E2F5: variants seen among roughly 807,000 people sequenced by gnomAD.
E2F5 encodes transcription factor E2F5.
A neutral mutation model predicts 39.1 loss-of-function variants in E2F5; 23 were observed. The observed-to-expected ratio is 0.59, with a 90% CI of 0.42 to 0.83. The LOEUF is 0.83. Ranked by LOEUF, E2F5 falls within the 40% of genes least tolerant of loss-of-function variation. The probability of loss-of-function intolerance (pLI) is 0.00; values close to 1 mark genes in which losing one functional copy is unlikely to be tolerated. For synonymous variants in E2F5, 145 were observed against 157.8 expected (o/e 0.92, Z 0.61); for missense variants, 365 against 406.7 (o/e 0.90, Z 0.88).
chr8:85,203,464 C>T (rs1812735489), intron 3 of E2F5, among the ~76,000 whole-genome samples: 1 of 151,884 alleles, frequency 6.6e-6, no homozygotes, highest in African/African-American at 2.4e-5. Flanking sequence ...AGCGTTATTC[C>T]TGTGTTGCAC....
At chr8:85,186,858 T>C (rs1483622496) in intron 1 of E2F5, among the ~76,000 whole-genome samples, 2 of 148,630 alleles carry the variant, frequency 1.3e-5, no homozygotes. Flanking sequence ...ATATATGGTG[T>C]GTATATATAA....
intron 1 of E2F5, chr8:85,200,384 A>G: frequency 4.3e-6 from 3 of 701,780 alleles, no homozygotes; most frequent in Non-Finnish European, 5.3e-6. Flanking sequence ...GTTTAGTTTT[A>G]GAAACTAGGG....
chr8:85,205,539 C>T (rs560394109), intron 3 of E2F5, among the ~76,000 whole-genome samples: 30 of 152,082 alleles, frequency 2.0e-4, no homozygotes, highest in African/African-American at 6.0e-4. Flanking sequence ...CCACCTGCCT[C>T]GGCCTCCCAA....
At chr8:85,192,671 C>T (rs910552011) in intron 1 of E2F5, among the ~76,000 whole-genome samples, 1 of 152,196 alleles carries the variant, frequency 6.6e-6, no homozygotes, top group East Asian at 1.9e-4. Flanking sequence ...GGCTTTTAGA[C>T]AGTTTATACT....
At chr8:85,181,892 C>T (rs1051910324) in intron 1 of E2F5, among the ~76,000 whole-genome samples, 8 of 151,282 alleles carry the variant, frequency 5.3e-5, no homozygotes, top group South Asian at 2.1e-4. Flanking sequence ...ACTCAAGAGG[C>T]GGAGGTTGCA....
At chr8:85,187,588 C>T (rs1812370013) in intron 1 of E2F5, 1 of 152,024 alleles carries the variant, frequency 6.6e-6, no homozygotes, top group African/African-American at 2.4e-5. Flanking sequence ...TCTATTTAAT[C>T]TGATATATGT....
chr8:85,177,693 C>T (rs1812115333), intron 1 of E2F5, 39 bp downstream of exon 1: 2 of 1,231,264 alleles, frequency 1.6e-6, no homozygotes, highest in African/African-American at 1.6e-5. Flanking sequence ...GACTTCGGAA[C>T]CCGTGGCCCC....
chr8:85,186,163 G>C (rs1315631920), intron 1 of E2F5, among the ~76,000 whole-genome samples: 2 of 152,156 alleles, frequency 1.3e-5, no homozygotes, highest in Non-Finnish European at 2.9e-5. Context: ...TATACACCAT[G>C]GAATACTATG....
chr8:85,177,632 A>G lies in E2F5; in HGVS notation c.212A>G (p.Asp71Gly). The G allele has an allele frequency of 7.7e-7, 1 of 1,295,568 alleles. No individual in the cohort carries two copies. Among genetic ancestry groups the G allele is most frequent in the Admixed American group, 3.1e-5 (1 of 32,278 alleles). The allele number at this position is 1,295,568 out of a possible 1,614,324, so 80.3% of individuals were successfully genotyped here. A position where few individuals can be genotyped will look rare whatever the true frequency, so the allele number is the denominator to read the frequency against. ...GTGTCGCTGCTGCAGGAGGCCAAGG[A>G]CGGCGTTCTGGATCTCAAAGCGGTG... is the stretch of plus-strand genomic sequence containing the variant. ...KFVSLLQEAK[D>G]GVLDLKAAAD... The change falls in exon 1 of 8, where the codon GAC becomes GGC. Residue 71 changes from aspartate to glycine, a missense_variant. Coordinates refer to ENST00000416274, the MANE Select transcript of E2F5 (RefSeq NM_001951.4).
intron 1 of E2F5, among the ~76,000 whole-genome samples, chr8:85,188,537 G>A (rs1172314494): frequency 6.6e-6 from 1 of 152,120 alleles, no homozygotes; most frequent in Non-Finnish European, 1.5e-5. Context: ...TGGCAGATGT[G>A]GCCAGCACAG....
At chr8:85,184,828 G>A (rs543163943) in intron 1 of E2F5, among the ~76,000 whole-genome samples, 43 of 152,274 alleles carry the variant, frequency 2.8e-4, no homozygotes, top group African/African-American at 9.1e-4. Context: ...CCTCTTCAAG[G>A]AGAACTATAA....
Position 85,194,531 on chromosome 8 carries a change from C to A in E2F5, c.235-7616C>A, listed in dbSNP as rs1412628569. Among the ~76,000 whole-genome samples, 50 of 142,148 alleles carry A rather than the reference C, an allele frequency of 3.5e-4. No homozygotes were observed. The East Asian group carries it at 0.01, about 28-fold the overall frequency. The allele number at this position is 142,148 out of a possible 152,430, so 93.3% of individuals were successfully genotyped here. ...CTCTTTGTTGTTTTTTTGTTTGTTT[C>A]TCTTTTTTTTTTTTTTTTTTTGAGA... On this transcript the variant is annotated intron_variant, in intron 1 of 7. Transcript: ENST00000416274.
chr8:85,202,763 C>A (rs530703879), intron 2 of E2F5, among the ~76,000 whole-genome samples: 6 of 152,108 alleles, frequency 3.9e-5, no homozygotes, highest in Admixed American at 3.9e-4. Flanking sequence ...TTTATTTTAC[C>A]AGCACCTCAG....
In E2F5 at chr8:85,177,512, A is replaced by G. The variant is rs1812108556; in HGVS notation, c.92A>G (p.Gln31Arg). The change falls in exon 1 of 8, where the codon CAA becomes CGA. Residue 31 changes from glutamine to arginine, a missense_variant. Coordinates refer to ENST00000416274, the MANE Select transcript of E2F5 (RefSeq NM_001951.4). ...QRPPPQPPQA[Q>R]APQPPPPPQL... ...CCGCCGCCGCAGCCTCCGCAGGCGC[A>G]AGCCCCGCAGCCGCCCCCGCCGCCG... 9.0e-7 allele frequency: 1 copy of G among 1,109,276 alleles called. No individual in the cohort carries two copies. The highest frequency in any genetic ancestry group is 1.1e-6 in the Non-Finnish European group (1 of 911,216). 68.7% of individuals were successfully genotyped at this position (1,109,276 alleles called of 1,614,324 possible). A position where few individuals can be genotyped will look rare whatever the true frequency, so the allele number is the denominator to read the frequency against.
chr8:85,194,612 G>C (rs940530148), intron 1 of E2F5, among the ~76,000 whole-genome samples: 2 of 140,410 alleles, frequency 1.4e-5, no homozygotes, highest in Non-Finnish European at 3.0e-5. Context: ...TCAGCTCACT[G>C]CTACCTCTGC....
rs950695727 is a variant in E2F5 at position 85,211,643 on chromosome 8, G to GTTTTTTTT, written c.884-493_884-486dup. The stretch of plus-strand genomic sequence containing the variant: ...TAGAATGATGATGAGGTTTGTTGTT[G>GTTTTTTTT]TTTTTTTTTTTTTTTTTTTTTTTTT... On this transcript the variant is annotated intron_variant, in intron 6 of 7. Coordinates refer to ENST00000416274, the MANE Select transcript of E2F5 (RefSeq NM_001951.4). 3.4e-4 allele frequency among the ~76,000 whole-genome samples: 18 copies of GTTTTTTTT among 52,212 alleles called. 1 individual carries two copies. Among genetic ancestry groups the GTTTTTTTT allele is most frequent in the African/African-American group, 1.0e-3 (11 of 11,010 alleles). The allele number at this position is 52,212 out of a possible 152,430, so 34.3% of individuals were successfully genotyped here. A position where few individuals can be genotyped will look rare whatever the true frequency, so the allele number is the denominator to read the frequency against.
intron 1 of E2F5, among the ~76,000 whole-genome samples, chr8:85,183,109 G>A (rs374757791): frequency 5.9e-5 from 9 of 152,228 alleles, no homozygotes; most frequent in East Asian, 1.9e-4. Flanking sequence ...AAAATTAGCC[G>A]GGTGTGATGA....
intron 3 of E2F5, among the ~76,000 whole-genome samples, chr8:85,205,235 C>G (rs944031042): frequency 6.6e-6 from 1 of 151,718 alleles, no homozygotes; most frequent in Non-Finnish European, 1.5e-5. Context: ...GTTCTCCCCA[C>G]CCTGCTTTTT....
At chr8:85,179,586 G>C (rs981027559) in intron 1 of E2F5, among the ~76,000 whole-genome samples, 1 of 150,890 alleles carries the variant, frequency 6.6e-6, no homozygotes, top group African/African-American at 2.5e-5. Flanking sequence ...TCATATATAT[G>C]TATGAAAAAC....
Sources: allele counts gnomAD v4.1 joint callset (sites outside exome capture counted in the v4.1 genomes callset), GRCh38; gene constraint gnomAD v4.1.1; transcripts MANE v1.5; gene names NCBI Gene and HGNC (gene_info 2026-07-23, HGNC 2026-07-21).